The following PRH1 variants were observed in gnomAD, a reference collection of about 807,000 sequenced individuals.
The protein encoded by PRH1 is salivary acidic proline-rich phosphoprotein 1/2.
PRH1 carries 7 observed loss-of-function variants against 7.9 expected under a neutral mutation model. The ratio of observed to expected loss-of-function variants is 0.89; its 90% CI spans 0.50 to 1.67. PRH1 has a LOEUF of 1.67. Among genes scored for constraint, PRH1 ranks in the 40% most tolerant of loss-of-function variants. The pLI is 0.00. For synonymous variants in PRH1, 45 were observed against 80.8 expected (o/e 0.56, Z 2.38); for missense variants, 109 against 223.6 (o/e 0.49, Z 3.27).
intron 1 of PRH1, among the ~76,000 whole-genome samples, chr12:10,989,622 A>G (rs1456564371): frequency 2.6e-5 from 4 of 152,144 alleles, no homozygotes; most frequent in Non-Finnish European, 5.9e-5. Context: ...AAAAGACACC[A>G]CCACTTTATA....
intron 1 of PRH1, among the ~76,000 whole-genome samples, chr12:11,019,657 T>C (rs1941490610): frequency 6.6e-6 from 1 of 152,286 alleles, no homozygotes; most frequent in South Asian, 2.1e-4. Flanking sequence ...ATAATACAAA[T>C]ATATCATTCA....
At chr12:10,943,159 A>T (rs1478165200) in intron 2 of PRH1, among the ~76,000 whole-genome samples, 3 of 152,150 alleles carry the variant, frequency 2.0e-5, no homozygotes, top group African/African-American at 7.2e-5. Context: ...AAAATTCATG[A>T]TGCAAGCCTT....
intron 2 of PRH1, chr12:10,938,034 T>A (rs1244925826): frequency 2.4e-6 from 1 of 415,030 alleles, no homozygotes. Flanking sequence ...AAATCTATAT[T>A]ATCTGTTTGT....
chr12:10,987,542 AAGAGAGAGAG>A (rs143040427), intron 1 of PRH1, among the ~76,000 whole-genome samples: 1 of 147,416 alleles, frequency 6.8e-6, no homozygotes, highest in Non-Finnish European at 1.5e-5. Context: ...CAAACACAGA[AAGAGAGAGAG>A]AGAGAGAGAG....
chr12:10,964,108 T>A (rs1361011791), intron 2 of PRH1, among the ~76,000 whole-genome samples: 2 of 152,202 alleles, frequency 1.3e-5, no homozygotes, highest in African/African-American at 2.4e-5. Flanking sequence ...AAATGAAACA[T>A]GATAATATGA....
chr12:11,132,473 A>C (rs563917068), intron 1 of PRH1, among the ~76,000 whole-genome samples: 1 of 152,238 alleles, frequency 6.6e-6, no homozygotes, highest in Non-Finnish European at 1.5e-5. Flanking sequence ...AATAATTTAC[A>C]TCTGAGCTCA....
chr12:11,046,403 T>C (rs1400403140), intron 1 of PRH1, among the ~76,000 whole-genome samples: 3 of 152,138 alleles, frequency 2.0e-5, no homozygotes, highest in African/African-American at 4.8e-5. Flanking sequence ...TATTCAGAAG[T>C]TGGGGCTCCC....
intron 2 of PRH1, among the ~76,000 whole-genome samples, chr12:10,952,009 T>C (rs922186527): frequency 2.6e-5 from 4 of 152,188 alleles, no homozygotes; most frequent in African/African-American, 9.6e-5. Flanking sequence ...ACAACAGCCT[T>C]AGGATAGCTA....
intron 1 of PRH1, among the ~76,000 whole-genome samples, chr12:11,046,360 G>A (rs918407064): frequency 6.6e-6 from 1 of 152,080 alleles, no homozygotes; most frequent in East Asian, 1.9e-4. Flanking sequence ...TACATGCATG[G>A]TATAGGGACC....
intron 1 of PRH1, among the ~76,000 whole-genome samples, chr12:10,975,528 A>T (rs527732563): frequency 1.3e-5 from 2 of 152,310 alleles, no homozygotes; most frequent in South Asian, 4.1e-4. Flanking sequence ...CTGCATAATA[A>T]CCAGCTAACA....
chr12:10,914,158 G>C (rs970640574), intron 2 of PRH1, among the ~76,000 whole-genome samples: 4 of 152,296 alleles, frequency 2.6e-5, no homozygotes, highest in African/African-American at 9.6e-5. Context: ...CTGTGGTTAT[G>C]TGGGAGGTAA....
Position 10,974,236 on chromosome 12 carries a change from T to C in PRH1, c.-125-515A>G, listed in dbSNP as rs150570839. 3.3e-5 allele frequency among the ~76,000 whole-genome samples: 5 copies of C among 152,370 alleles called. No homozygotes were observed. The East Asian group carries it at 9.6e-4, about 29-fold the overall frequency. On this transcript the variant is annotated intron_variant, in intron 1 of 3. Transcript: ENST00000539853. ...ATTTAGGCTACTGCCAATGTCCATA[T>C]AGAGGCTAGCAGCCTTGGATCCACC...
chr12:10,966,895 C>G (rs528069818), intron 2 of PRH1, among the ~76,000 whole-genome samples: 1 of 152,186 alleles, frequency 6.6e-6, no homozygotes, highest in East Asian at 1.9e-4. Context: ...GTGGGCAGAT[C>G]AAGAGATCAG....
chr12:10,931,000 C>T (rs760544966), intron 2 of PRH1: 1 of 1,595,508 alleles, frequency 6.3e-7, no homozygotes, highest in Admixed American at 1.7e-5. Flanking sequence ...TGGAAAGCCC[C>T]AGGGACCACC....
chr12:11,041,746 A>T (rs1225978546), intron 1 of PRH1, among the ~76,000 whole-genome samples: 1 of 152,230 alleles, frequency 6.6e-6, no homozygotes, highest in East Asian at 1.9e-4. Flanking sequence ...CAAGTCTTAA[A>T]CAATCCAAAA....
chr12:10,888,146 C>T (rs1368471231), upstream of PRH1, among the ~76,000 whole-genome samples: 2 of 152,168 alleles, frequency 1.3e-5, no homozygotes, highest in Admixed American at 1.3e-4. Context: ...CATAGCATCA[C>T]GTCGCCCTTG....
chr12:10,916,127 G>T (rs1420557860), intron 2 of PRH1, among the ~76,000 whole-genome samples: 1 of 152,150 alleles, frequency 6.6e-6, no homozygotes, highest in Non-Finnish European at 1.5e-5. Flanking sequence ...TTACGTGGCA[G>T]CAGACAAGAG....
chr12:10,908,328 T>C, intron 2 of PRH1: 1 of 1,483,930 alleles, frequency 6.7e-7, no homozygotes, highest in Non-Finnish European at 9.1e-7. Flanking sequence ...TAGACTCCTG[T>C]TTCTGTCTGC....
At chr12:10,988,503 A>G (rs963389868) in intron 1 of PRH1, among the ~76,000 whole-genome samples, 1 of 152,154 alleles carries the variant, frequency 6.6e-6, no homozygotes, top group Non-Finnish European at 1.5e-5. Flanking sequence ...AGTTGTATAA[A>G]AATGTGTATA....
Sources: gnomAD v4.1 joint callset for allele counts (sites outside exome capture counted in the v4.1 genomes callset) on GRCh38, gnomAD v4.1.1 for gene constraint, MANE v1.5 for transcripts, NCBI Gene and HGNC (gene_info 2026-07-23, HGNC 2026-07-21) for gene names.